XRCC1: variants seen among roughly 807,000 people sequenced by gnomAD.
The protein encoded by XRCC1 is X-ray repair cross complementing 1, also known as DNA repair protein XRCC1.
Under a neutral mutation model 83.3 loss-of-function variants are expected in XRCC1, and 52 were observed. The observed-to-expected ratio is 0.62, with a 90% CI of 0.50 to 0.79. The LOEUF (loss-of-function observed/expected upper bound fraction) is 0.79, where lower values mean the gene tolerates loss of function less well. Ranked by LOEUF, XRCC1 falls within the 30% of genes least tolerant of loss-of-function variation. The probability of loss-of-function intolerance (pLI) is 0.00; values close to 1 mark genes in which losing one functional copy is unlikely to be tolerated. For missense variants in XRCC1, 793 were observed against 823.5 expected, an observed-to-expected ratio of 0.96 and a Z score of 0.45; for synonymous variants, 281 against 312.6, an observed-to-expected ratio of 0.90 and a Z score of 1.07.
At chr19:43,555,468 C>T (rs1336223687) in intron 3 of XRCC1, 3 of 152,254 alleles carry the variant, frequency 2.0e-5, no homozygotes, top group African/African-American at 7.2e-5. Context: ...GCTTCTGCTG[C>T]TGCAGTGGTT....
chr19:43,559,057 C>T (rs192768071), intron 3 of XRCC1, among the ~76,000 whole-genome samples: 1 of 151,884 alleles, frequency 6.6e-6, no homozygotes, highest in Non-Finnish European at 1.5e-5. Flanking sequence ...TGGAGAATCC[C>T]TTGAGTCTGG....
chr19:43,558,604 G>C (rs532937689), intron 3 of XRCC1, among the ~76,000 whole-genome samples: 7 of 151,890 alleles, frequency 4.6e-5, no homozygotes, highest in Non-Finnish European at 7.4e-5. Flanking sequence ...ACTCCAACCT[G>C]AGCAACAGAG....
intron 14 of XRCC1, among the ~76,000 whole-genome samples, chr19:43,545,247 A>C (rs552022748): frequency 9.2e-5 from 14 of 152,134 alleles, no homozygotes; most frequent in Non-Finnish European, 1.8e-4. Context: ...TGCTCCCTTC[A>C]TTCTCGAAGA....
chr19:43,557,481 TTA>T (rs1972649961), intron 3 of XRCC1, among the ~76,000 whole-genome samples: 1 of 152,052 alleles, frequency 6.6e-6, no homozygotes, highest in African/African-American at 2.4e-5. Context: ...GCACAGCTGA[TTA>T]TGCAAAGGAA....
intron 15 of XRCC1, among the ~76,000 whole-genome samples, 161 bp downstream of exon 15, chr19:43,543,983 A>G (rs1600039129): frequency 1.3e-5 from 2 of 152,080 alleles, no homozygotes; most frequent in Middle Eastern, 6.8e-3. Context: ...GTGGTGGGCA[A>G]GCTAGCATTC....
chr19:43,546,287 C>T (rs1972508843), intron 12 of XRCC1, among the ~76,000 whole-genome samples, 181 bp from the exon 13 acceptor site: 1 of 150,446 alleles, frequency 6.6e-6, no homozygotes. Context: ...CCAGCCCCTC[C>T]TCCCTCAGAC....
chr19:43,566,531 CAA>C (rs34680972), intron 2 of XRCC1, among the ~76,000 whole-genome samples: 8 of 66,510 alleles, frequency 1.2e-4, no homozygotes, highest in Admixed American at 1.8e-4. Flanking sequence ...GACTCTGTCT[CAA>C]AAAAAAAAAA....
At chr19:43,570,698 T>A (rs1038013509) in intron 2 of XRCC1, among the ~76,000 whole-genome samples, 2 of 152,074 alleles carry the variant, frequency 1.3e-5, no homozygotes, top group South Asian at 2.1e-4. Context: ...GGTGGGAGGA[T>A]TGCCTGAGCC....
intron 15 of XRCC1, 47 bp downstream of exon 15, chr19:43,544,097 C>T (rs769352668): frequency 2.0e-6 from 3 of 1,511,376 alleles, no homozygotes; most frequent in Non-Finnish European, 2.7e-6. Flanking sequence ...CCTGAGCGTT[C>T]CCTTGGATCC....
Position 43,545,848 on chromosome 19 carries a change from G to GTGTT in XRCC1, c.1590_1591insAACA (p.Pro531AsnfsTer4). On this transcript the variant is annotated frameshift_variant, in exon 14 of 17. Transcript: ENST00000262887. LOFTEE classifies it high-confidence loss of function. ...AGCTCAGGGACTGGCAGATCAGGAGGCTCCTGGTGTTCCTCACTGTCCGTG... is the reference window on the plus strand; with the variant it reads ...AGCTCAGGGACTGGCAGATCAGGAGGTGTTCTCCTGGTGTTCCTCACTGTCCGTG... 1 of 1,613,920 alleles carries GTGTT rather than the reference G, an allele frequency of 6.2e-7. No homozygotes were observed. The highest frequency in any genetic ancestry group is 8.5e-7 in the Non-Finnish European group (1 of 1,179,866).
At chr19:43,552,636 G>A (rs3213363) in intron 8 of XRCC1, among the ~76,000 whole-genome samples, 161 bp downstream of exon 8, 32,613 of 122,778 alleles carry the variant, frequency 0.27, 4,319 homozygotes, top group East Asian at 0.55. Context: ...CTCCTCCCTC[G>A]GATTCAGGAA....
Position 43,552,242 on chromosome 19 carries a change from G to A in XRCC1, c.857C>T (p.Pro286Leu), listed in dbSNP as rs2146050257. 5 of 1,611,920 alleles carry A rather than the reference G, an allele frequency of 3.1e-6. No individual in the cohort carries two copies. Among genetic ancestry groups the A allele is most frequent in the East Asian group, 4.5e-5 (2 of 44,792 alleles). Reference sequence around the variant, plus strand: ...TGCCCCCTGTGCTCGGGCAGGGACTGGGGCTGTGGCTGGGGTACGAGTTGG... The same window carrying A: ...TGCCCCCTGTGCTCGGGCAGGGACTAGGGCTGTGGCTGGGGTACGAGTTGG... ...PAPTRTPATA[P>L]VPARAQGAVT... is the part of the protein sequence containing the mutation. The change falls in exon 9 of 17, where the codon CCA becomes CTA. Residue 286 changes from proline (P) to leucine (L), a missense_variant. Pro to Leu is a moderately conservative substitution (Grantham distance 98). Coordinates refer to ENST00000262887, the MANE Select transcript of XRCC1 (RefSeq NM_006297.3).
intron 3 of XRCC1, among the ~76,000 whole-genome samples, chr19:43,558,334 C>CA (rs11361655): frequency 3.4e-5 from 5 of 149,174 alleles, no homozygotes; most frequent in South Asian, 2.1e-4. Flanking sequence ...GACCTCGTTT[C>CA]AAAAAAAAAA....
chr19:43,568,619 T>C (rs928392907), intron 2 of XRCC1, among the ~76,000 whole-genome samples: 1 of 151,950 alleles, frequency 6.6e-6, no homozygotes, highest in Non-Finnish European at 1.5e-5. Context: ...ACAGTGTATA[T>C]ACTATGAATT....
intron 15 of XRCC1, 30 bp from the exon 16 acceptor site, chr19:43,543,717 G>C: frequency 1.2e-6 from 2 of 1,605,648 alleles, no homozygotes; most frequent in Non-Finnish European, 8.5e-7. Flanking sequence ...GAGGTAGAAG[G>C]CACATCAGGG....
chr19:43,548,636 G>A (rs1405627712), intron 10 of XRCC1, among the ~76,000 whole-genome samples: 8 of 152,122 alleles, frequency 5.3e-5, no homozygotes, highest in Non-Finnish European at 8.8e-5. Context: ...CAAACACTGC[G>A]GAAGGCCGCA....
chr19:43,544,648 A>G (rs1972490522), intron 14 of XRCC1, among the ~76,000 whole-genome samples: 1 of 151,974 alleles, frequency 6.6e-6, no homozygotes, highest in Admixed American at 6.6e-5. Flanking sequence ...CTGGGACTAC[A>G]GGTGCATGCC....
At chr19:43,551,952 G>C (rs1012428169) in intron 9 of XRCC1, 65 bp downstream of exon 9, 2 of 1,557,336 alleles carry the variant, frequency 1.3e-6, no homozygotes, top group Non-Finnish European at 1.8e-6. Context: ...AAAGCACAAG[G>C]TGGAGGAGAC....
At chr19:43,551,764 CAG>C (rs55974714) in intron 9 of XRCC1, 77 bp from the exon 10 acceptor site, 15,198 of 855,330 alleles carry the variant, frequency 0.018, no homozygotes, top group South Asian at 0.026. Flanking sequence ...GGGAGACAGA[CAG>C]AGAGAGAGAG....
Sources: gnomAD v4.1 joint callset for allele counts (sites outside exome capture counted in the v4.1 genomes callset) on GRCh38, gnomAD v4.1.1 for gene constraint, MANE v1.5 for transcripts, NCBI Gene and HGNC (gene_info 2026-07-23, HGNC 2026-07-21) for gene names.